Variants in CPEB3 observed in about 807,000 individuals in gnomAD.
The protein encoded by CPEB3 is cytoplasmic polyadenylation element-binding protein 3.
CPEB3 carries 20 observed loss-of-function variants against 67.2 expected under a neutral mutation model. The ratio of observed to expected loss-of-function variants is 0.30; its 90% CI spans 0.21 to 0.43. The LOEUF (loss-of-function observed/expected upper bound fraction) is 0.43, where lower values mean the gene tolerates loss of function less well. Among genes scored for constraint, CPEB3 ranks in the 20% least tolerant of loss-of-function variants. The probability of loss-of-function intolerance (pLI) is 1.00; values close to 1 mark genes in which losing one functional copy is unlikely to be tolerated. For missense variants in CPEB3, 746 were observed against 968.6 expected (o/e 0.77, Z 3.05); for synonymous variants, 376 against 393.1 (o/e 0.96, Z 0.51).
intron 7 of CPEB3, among the ~76,000 whole-genome samples, chr10:92,098,480 T>G (rs1046133097): frequency 3.9e-5 from 6 of 152,012 alleles, no homozygotes; most frequent in Non-Finnish European, 8.8e-5. Flanking sequence ...TGGCTAATTT[T>G]GTATTTTTAG....
chr10:92,129,319 G>A (rs1365905506), intron 6 of CPEB3, among the ~76,000 whole-genome samples: 1 of 152,110 alleles, frequency 6.6e-6, no homozygotes, highest in East Asian at 1.9e-4. Flanking sequence ...GGGAACAACA[G>A]ACACAATAGA....
intron 1 of CPEB3, among the ~76,000 whole-genome samples, chr10:92,256,506 A>T (rs1456560614): frequency 6.6e-6 from 1 of 150,914 alleles, no homozygotes; most frequent in East Asian, 1.9e-4. Context: ...CTCCTGCCTC[A>T]GCCTCCTGAG....
chr10:92,219,071 C>T (rs1033109157), intron 2 of CPEB3, among the ~76,000 whole-genome samples: 3 of 152,122 alleles, frequency 2.0e-5, no homozygotes, highest in Non-Finnish European at 2.9e-5. Flanking sequence ...GAAGTGTCTT[C>T]GGGGCATCAT....
intron 2 of CPEB3, among the ~76,000 whole-genome samples, chr10:92,208,131 T>C (rs533685612): frequency 9.2e-5 from 14 of 152,358 alleles, no homozygotes; most frequent in South Asian, 8.3e-4. Flanking sequence ...ATAAGTATTC[T>C]ATAAATAAAT....
intron 4 of CPEB3, among the ~76,000 whole-genome samples, chr10:92,157,853 A>AAATT (rs1339861925): frequency 6.6e-6 from 1 of 152,206 alleles, no homozygotes; most frequent in East Asian, 1.9e-4. Flanking sequence ...TTAAAAGAAC[A>AAATT]AATTACCAAC....
chr10:92,082,870 A>G (rs977913487), intron 8 of CPEB3, among the ~76,000 whole-genome samples: 2 of 152,134 alleles, frequency 1.3e-5, no homozygotes, highest in African/African-American at 2.4e-5. Context: ...GCCAATGTGC[A>G]AAGATCATCA....
intron 9 of CPEB3, among the ~76,000 whole-genome samples, chr10:92,080,509 A>T (rs1308577862): frequency 6.6e-6 from 1 of 152,218 alleles, no homozygotes; most frequent in Non-Finnish European, 1.5e-5. Flanking sequence ...TGGTGGAAGC[A>T]GGAGAAACAG....
chr10:92,186,243 A>C (rs1461426498), intron 3 of CPEB3, among the ~76,000 whole-genome samples: 2 of 144,818 alleles, frequency 1.4e-5, no homozygotes, highest in Admixed American at 7.0e-5. Context: ...AAAAAAAATT[A>C]GGTGGGTATG....
chr10:92,278,984 T>C (rs1842132790), intron 1 of CPEB3, among the ~76,000 whole-genome samples: 1 of 152,152 alleles, frequency 6.6e-6, no homozygotes. Context: ...CATCTACAAA[T>C]AGAGATAGTT....
intron 1 of CPEB3, among the ~76,000 whole-genome samples, chr10:92,263,352 G>A (rs1230038717): frequency 6.6e-6 from 1 of 152,082 alleles, no homozygotes; most frequent in African/African-American, 2.4e-5. Context: ...TTGGGATTAC[G>A]GGCCTCGTGA....
chr10:92,047,789 C>G lies in CPEB3; in HGVS notation c.*4423G>C, dbSNP rs1252447608. Reference sequence around the variant, plus strand: ...AGACCAACTCTGGACACAAGTTTCTCTGAGTTATTGATGAACCTCGCCTCC... The same window carrying G: ...AGACCAACTCTGGACACAAGTTTCTGTGAGTTATTGATGAACCTCGCCTCC... On this transcript the variant is annotated 3_prime_UTR_variant, in exon 10 of 10. Coordinates refer to ENST00000265997, the MANE Select transcript of CPEB3 (RefSeq NM_014912.5). 5 of 152,224 alleles carry G rather than the reference C, an allele frequency of 3.3e-5. No homozygotes were observed. Among genetic ancestry groups the G allele is most frequent in the South Asian group, 4.1e-4 (2 of 4,838 alleles). 9.4% of individuals were successfully genotyped at this position (152,224 alleles called of 1,614,324 possible).
At chr10:92,173,715 C>T (rs1848107235) in intron 4 of CPEB3, among the ~76,000 whole-genome samples, 1 of 152,166 alleles carries the variant, frequency 6.6e-6, no homozygotes, top group Non-Finnish European at 1.5e-5. Flanking sequence ...GCTTTCCAGT[C>T]TGTAAAATGA....
rs141778942 is a variant in CPEB3 at position 92,194,631 on chromosome 10, C to G, written c.1006-1995G>C. Among the ~76,000 whole-genome samples, 4 of 152,172 alleles carry G rather than the reference C, an allele frequency of 2.6e-5. No homozygotes were observed. In the East Asian group the frequency reaches 7.7e-4, roughly 29 times the overall value. On this transcript the variant is annotated intron_variant, in intron 2 of 9. Coordinates refer to ENST00000265997, the MANE Select transcript of CPEB3 (RefSeq NM_014912.5). ...TTTGAAACTAGAACTCTAACACAAA[C>G]TAAGTAAAGAAAAAAGTATTATTTC...
chr10:92,245,540 A>T (rs1048694096), intron 1 of CPEB3, among the ~76,000 whole-genome samples: 3 of 152,210 alleles, frequency 2.0e-5, no homozygotes, highest in African/African-American at 4.8e-5. Context: ...CTAAATGTTT[A>T]CTTATTCCTA....
At chr10:92,152,520 GCTAT>G (rs1233283980) in intron 4 of CPEB3, among the ~76,000 whole-genome samples, 2 of 152,074 alleles carry the variant, frequency 1.3e-5, no homozygotes, top group African/African-American at 4.8e-5. Flanking sequence ...TTTTAAACTA[GCTAT>G]CTGTCTTATA....
intron 3 of CPEB3, among the ~76,000 whole-genome samples, chr10:92,187,092 C>T (rs1198711926): frequency 2.0e-5 from 3 of 152,002 alleles, no homozygotes; most frequent in Non-Finnish European, 4.4e-5. Flanking sequence ...CTCAAAATTC[C>T]GTAAGAGGGG....
Position 92,051,288 on chromosome 10 carries a change from G to A in CPEB3, c.*924C>T, listed in dbSNP as rs574146548. 2 of 152,566 alleles carry A rather than the reference G, an allele frequency of 1.3e-5. No homozygotes were observed. The highest frequency in any genetic ancestry group is 2.4e-5 in the African/African-American group (1 of 41,426). 9.5% of individuals were successfully genotyped at this position (152,566 alleles called of 1,614,324 possible). Reference sequence around the variant, plus strand: ...TTCTTAATTTGTGCATTGTGGGAACGTTTTATACTAGACATTGGATATAAA... The same window carrying A: ...TTCTTAATTTGTGCATTGTGGGAACATTTTATACTAGACATTGGATATAAA... On this transcript the variant is annotated 3_prime_UTR_variant, in exon 10 of 10. Transcript: ENST00000265997.
chr10:92,131,854 C>T (rs1223800276), intron 6 of CPEB3, among the ~76,000 whole-genome samples: 2 of 152,112 alleles, frequency 1.3e-5, no homozygotes, highest in Non-Finnish European at 2.9e-5. Flanking sequence ...GCTCACAGGT[C>T]ATACAAAAAC....
intron 4 of CPEB3, among the ~76,000 whole-genome samples, chr10:92,164,515 G>C (rs1300228130): frequency 1.3e-5 from 2 of 152,110 alleles, no homozygotes; most frequent in African/African-American, 4.8e-5. Context: ...TCTCGCCATA[G>C]TTTTGTTTGC....
Sources: allele counts gnomAD v4.1 joint callset (sites outside exome capture counted in the v4.1 genomes callset), GRCh38; gene constraint gnomAD v4.1.1; transcripts MANE v1.5; gene names NCBI Gene and HGNC (gene_info 2026-07-23, HGNC 2026-07-21).